Variants in CADM2 observed in about 807,000 individuals in gnomAD.
The protein encoded by CADM2 is cell adhesion molecule 2, also known as immunoglobulin superfamily member 4D.
In CADM2, 12 loss-of-function variants were observed where a neutral mutation model predicts 49.8. The observed-to-expected ratio is 0.24, with a 90% confidence interval of 0.15 to 0.39. The LOEUF (loss-of-function observed/expected upper bound fraction) is 0.39. Among genes scored for constraint, CADM2 ranks in the 10% least tolerant of loss-of-function variants. The pLI is 1.00. For synonymous variants in CADM2, 214 were observed against 175.4 expected, an observed-to-expected ratio of 1.22 and a Z score of -1.74; for missense variants, 378 against 492.3, an observed-to-expected ratio of 0.77 and a Z score of 2.20.
intron 1 of CADM2, among the ~76,000 whole-genome samples, chr3:85,178,555 T>C (rs1379241137): frequency 2.0e-5 from 3 of 151,874 alleles, no homozygotes; most frequent in Non-Finnish European, 4.4e-5. Context: ...ATTACATACT[T>C]TCTTGATTCT....
intron 3 of CADM2, among the ~76,000 whole-genome samples, chr3:85,839,662 C>T (rs2074555757): frequency 6.6e-6 from 1 of 151,764 alleles, no homozygotes; most frequent in Non-Finnish European, 1.5e-5. Flanking sequence ...AAAGGAAAGG[C>T]AGTCATATCT....
intron 1 of CADM2, among the ~76,000 whole-genome samples, chr3:85,400,506 G>A (rs9849542): frequency 0.86 from 130,934 of 151,754 alleles, 56,635 homozygotes; most frequent in East Asian, 0.95. Context: ...ATTGATTGGA[G>A]TAGTTTCAGA....
chr3:85,226,181 C>A (rs116568427), intron 1 of CADM2, among the ~76,000 whole-genome samples: 2 of 151,410 alleles, frequency 1.3e-5, no homozygotes, highest in East Asian at 1.9e-4. Context: ...GGAATAGTTT[C>A]GGAAGAAATG....
intron 7 of CADM2, among the ~76,000 whole-genome samples, chr3:85,950,528 C>A (rs1369660690): frequency 6.6e-6 from 1 of 150,996 alleles, no homozygotes; most frequent in Non-Finnish European, 1.5e-5. Flanking sequence ...ATGAACACTA[C>A]CTTATCAGTA....
intron 8 of CADM2, among the ~76,000 whole-genome samples, chr3:86,046,385 A>G (rs1736690804): frequency 6.6e-6 from 1 of 152,184 alleles, no homozygotes; most frequent in Non-Finnish European, 1.5e-5. Flanking sequence ...ATAATCTACC[A>G]TATTTTTCTT....
At chr3:85,696,889 C>T (rs893747965) in intron 1 of CADM2, among the ~76,000 whole-genome samples, 2 of 151,646 alleles carry the variant, frequency 1.3e-5, no homozygotes, top group African/African-American at 2.4e-5. Flanking sequence ...AATATGTCAT[C>T]AAATTCTAAA....
intron 1 of CADM2, among the ~76,000 whole-genome samples, chr3:85,085,828 C>G (rs1391576755): frequency 6.6e-6 from 1 of 152,132 alleles, no homozygotes; most frequent in Non-Finnish European, 1.5e-5. Flanking sequence ...TTCTAATTCT[C>G]TCTTATGCCT....
intron 1 of CADM2, among the ~76,000 whole-genome samples, chr3:85,067,167 T>A (rs2036555890): frequency 6.6e-6 from 1 of 152,170 alleles, no homozygotes; most frequent in South Asian, 2.1e-4. Flanking sequence ...AATTTATCTC[T>A]GAATGTTCAT....
intron 1 of CADM2, among the ~76,000 whole-genome samples, chr3:85,289,405 A>G (rs2043718578): frequency 6.6e-6 from 1 of 152,202 alleles, no homozygotes; most frequent in Non-Finnish European, 1.5e-5. Context: ...CACTTTGGGT[A>G]TAAAATACTG....
At chr3:85,266,822 C>T (rs151170222) in intron 1 of CADM2, among the ~76,000 whole-genome samples, 509 of 151,898 alleles carry the variant, frequency 3.4e-3, no homozygotes, top group African/African-American at 0.012. Context: ...GGAAAGCCAA[C>T]ATCAGATCAA....
At chr3:85,196,576 T>C (rs2041349399) in intron 1 of CADM2, among the ~76,000 whole-genome samples, 1 of 152,016 alleles carries the variant, frequency 6.6e-6, no homozygotes, top group African/African-American at 2.4e-5. Flanking sequence ...AATAATTGAT[T>C]GATTTATTCT....
At position 85,314,102 on chromosome 3, in the gene CADM2, A is replaced by G. The variant is rs574895446; in HGVS notation, c.61+354434A>G. ...ACGGAGTTTCACCGTGTTAGCCAGG[A>G]TGGTCTCGATCTCCCGACCTCCTGA... On this transcript the variant is annotated intron_variant, in intron 1 of 9. Coordinates refer to ENST00000383699, the MANE Select transcript of CADM2 (RefSeq NM_001167675.2). Among the ~76,000 whole-genome samples, 14 of 152,122 alleles carry G rather than the reference A, an allele frequency of 9.2e-5. 1 individual carries two copies. The East Asian group carries it at 2.7e-3, about 30-fold the overall frequency.
At chr3:85,599,467 GA>G in intron 1 of CADM2, among the ~76,000 whole-genome samples, 1 of 151,928 alleles carries the variant, frequency 6.6e-6, no homozygotes, top group Admixed American at 6.6e-5. Context: ...ACTCTGTTCA[GA>G]GCCCAAAACT....
At chr3:85,684,576 C>T (rs1577080689) in intron 1 of CADM2, among the ~76,000 whole-genome samples, 1 of 152,166 alleles carries the variant, frequency 6.6e-6, no homozygotes, top group Non-Finnish European at 1.5e-5. Context: ...ATACCCGAGA[C>T]TGGGTAATTT....
intron 1 of CADM2, among the ~76,000 whole-genome samples, chr3:85,126,335 CAAA>C (rs2039031575): frequency 6.6e-6 from 1 of 151,446 alleles, no homozygotes. Context: ...TAAATAGGGA[CAAA>C]ACTCACATAC....
chr3:84,989,780 A>T (rs892064836), intron 1 of CADM2, among the ~76,000 whole-genome samples: 14 of 152,018 alleles, frequency 9.2e-5, no homozygotes, highest in Admixed American at 5.2e-4. Context: ...AACTGAAATA[A>T]TTTTTTTAAC....
intron 5 of CADM2, among the ~76,000 whole-genome samples, chr3:85,894,493 T>TA (rs377430978): frequency 2.7e-4 from 39 of 147,100 alleles, no homozygotes; most frequent in South Asian, 6.5e-4. Flanking sequence ...ACTTAAAGTA[T>TA]AAAAAAAAAA....
chr3:86,044,164 G>A (rs1052395791), intron 8 of CADM2, among the ~76,000 whole-genome samples: 14 of 152,114 alleles, frequency 9.2e-5, no homozygotes, highest in South Asian at 4.2e-4. Flanking sequence ...ACGACTTCAC[G>A]TCTAAAACAC....
intron 6 of CADM2, among the ~76,000 whole-genome samples, chr3:85,925,808 C>T (rs1371824206): frequency 6.6e-6 from 1 of 151,976 alleles, no homozygotes; most frequent in Admixed American, 6.6e-5. Context: ...TCTTTTGTAA[C>T]AAAGAAGACA....
Sources: allele counts gnomAD v4.1 joint callset (sites outside exome capture counted in the v4.1 genomes callset), GRCh38; gene constraint gnomAD v4.1.1; transcripts MANE v1.5; gene names NCBI Gene and HGNC (gene_info 2026-07-23, HGNC 2026-07-21).